TSGA13: variants seen among roughly 807,000 people sequenced by gnomAD.
The protein encoded by TSGA13 is testis specific 13.
In TSGA13, 37 loss-of-function variants were observed where a neutral mutation model predicts 35.1. That is an observed-to-expected ratio of 1.05 (90% CI 0.81 to 1.39). The LOEUF is 1.39. Among genes scored for constraint, TSGA13 ranks in the 40% most tolerant of loss-of-function variants. The pLI, the probability that TSGA13 is intolerant of heterozygous loss-of-function variation, is 0.00. For missense variants in TSGA13, 338 were observed against 328.5 expected (o/e 1.03, Z -0.22); for synonymous variants, 124 against 121.2 (o/e 1.02, Z -0.15).
At chr7:130,676,569 C>G (rs1796415230) in intron 5 of TSGA13, among the ~76,000 whole-genome samples, 1 of 152,226 alleles carries the variant, frequency 6.6e-6, no homozygotes, top group Admixed American at 6.5e-5. Flanking sequence ...AGTGAGCTTA[C>G]CTTCAAAGGG....
At position 130,668,851 on chromosome 7, in the gene TSGA13, C is replaced by T. The variant is rs1464701091; in HGVS notation, c.*163G>A. 22 of 1,334,720 alleles carry T rather than the reference C, an allele frequency of 1.6e-5. 1 individual carries two copies. The highest frequency in any genetic ancestry group is 3.0e-5 in the African/African-American group (2 of 65,896). 82.7% of individuals were successfully genotyped at this position (1,334,720 alleles called of 1,614,324 possible). Reference sequence around the variant, plus strand: ...CGGCCCCCGGGACGCAGCCACGCCCCCTTCTCCTCTTGCGGCCCGCCGGAG... The same window carrying T: ...CGGCCCCCGGGACGCAGCCACGCCCTCTTCTCCTCTTGCGGCCCGCCGGAG... On this transcript the variant is annotated 3_prime_UTR_variant, in exon 8 of 8. Coordinates refer to ENST00000356588, the MANE Select transcript of TSGA13 (RefSeq NM_052933.4).
intron 5 of TSGA13, among the ~76,000 whole-genome samples, chr7:130,675,400 A>T (rs1554464012): frequency 7.3e-6 from 1 of 136,976 alleles, no homozygotes; most frequent in African/African-American, 2.7e-5. Context: ...TGGGGTGGGG[A>T]GGGGATGGAA....
At chr7:130,679,559 G>A (rs1361292524) in intron 4 of TSGA13, among the ~76,000 whole-genome samples, 192 bp from the exon 5 acceptor site, 1 of 152,098 alleles carries the variant, frequency 6.6e-6, no homozygotes, top group Non-Finnish European at 1.5e-5. Flanking sequence ...GCCCAGGCTG[G>A]AGCCCAGTGG....
upstream of TSGA13, chr7:130,687,293 A>T (rs537532526): frequency 6.6e-6 from 1 of 152,308 alleles, no homozygotes; most frequent in South Asian, 2.1e-4. Flanking sequence ...ATGTCATTGT[A>T]TAGTGTCTTG....
chr7:130,684,057 C>T (rs1796606550), intron 2 of TSGA13, among the ~76,000 whole-genome samples: 1 of 152,196 alleles, frequency 6.6e-6, no homozygotes, highest in Non-Finnish European at 1.5e-5. Flanking sequence ...TACTTACCTG[C>T]CTATTCTTCT....
At chr7:130,682,109 T>C (rs1796561129) in intron 3 of TSGA13, among the ~76,000 whole-genome samples, 1 of 151,494 alleles carries the variant, frequency 6.6e-6, no homozygotes, top group Non-Finnish European at 1.5e-5. Context: ...CCAGCTATTA[T>C]TATTATTTAT....
intron 2 of TSGA13, 27 bp downstream of exon 2, chr7:130,685,161 C>T (rs1563082202): frequency 6.2e-7 from 1 of 1,611,192 alleles, no homozygotes; most frequent in Admixed American, 1.7e-5. Flanking sequence ...GTGTTTATAA[C>T]TTAGTTGGGC....
Position 130,677,053 on chromosome 7 carries a change from C to T in TSGA13, c.387+2102G>A, listed in dbSNP as rs552969026. Among the ~76,000 whole-genome samples, 17 of 151,854 alleles carry T rather than the reference C, an allele frequency of 1.1e-4. 2 individuals are homozygous for T. The South Asian group carries it at 3.1e-3, about 28-fold the overall frequency. On this transcript the variant is annotated intron_variant, in intron 5 of 7. Transcript: ENST00000356588. ...GAGTACAGGCGCCCGCTACCACGCC[C>T]GGCTAATTTTTTGTATTTTTAGTAG...
chr7:130,679,229 G>C lies in TSGA13; in HGVS notation c.313C>G (p.Pro105Ala). ...TLLIMTNNPP[P>A]CSITQQDKES... Reference sequence around the variant, plus strand: ...TTGTCTTGCTGGGTGATTGAGCAGGGAGGTGGGTTGTTGGTCATAATCAGT... The same window carrying C: ...TTGTCTTGCTGGGTGATTGAGCAGGCAGGTGGGTTGTTGGTCATAATCAGT... Residue 105 changes from proline to alanine, a missense_variant, in exon 5 of 8, where the codon CCC becomes GCC. Transcript: ENST00000356588. 1 of 1,614,176 alleles carries C rather than the reference G, an allele frequency of 6.2e-7. No homozygotes were observed. The highest frequency in any genetic ancestry group is 8.5e-7 in the Non-Finnish European group (1 of 1,180,026).
chr7:130,682,799 C>A (rs1158558749), intron 3 of TSGA13, among the ~76,000 whole-genome samples: 3 of 152,148 alleles, frequency 2.0e-5, no homozygotes, highest in Non-Finnish European at 4.4e-5. Flanking sequence ...AGAAGCATAG[C>A]AAAGCCACTC....
At chr7:130,684,322 C>A (rs1796612889) in intron 2 of TSGA13, among the ~76,000 whole-genome samples, 1 of 152,214 alleles carries the variant, frequency 6.6e-6, no homozygotes, top group African/African-American at 2.4e-5. Flanking sequence ...AATACCAATT[C>A]TCTTTGCAGA....
At chr7:130,686,567 T>C (rs1796663577), upstream of TSGA13, 1 of 152,022 alleles carries the variant, frequency 6.6e-6, no homozygotes. Flanking sequence ...AGGGAATTTG[T>C]GATGAATAGG....
In TSGA13 at chr7:130,668,871, C is replaced by T. The variant is rs2116285737; in HGVS notation, c.*143G>A. 1.4e-6 allele frequency: 2 copies of T among 1,387,074 alleles called. No homozygotes were observed. The highest frequency in any genetic ancestry group is 1.4e-5 in the South Asian group (1 of 70,470). 85.9% of individuals were successfully genotyped at this position (1,387,074 alleles called of 1,614,324 possible). A position where few individuals can be genotyped will look rare whatever the true frequency, so the allele number is the denominator to read the frequency against. On this transcript the variant is annotated 3_prime_UTR_variant, in exon 8 of 8. Transcript: ENST00000356588. ...CGCCCCCTTCTCCTCTTGCGGCCCG[C>T]CGGAGACTTCGGCTCGACCCTCCCG...
intron 5 of TSGA13, among the ~76,000 whole-genome samples, chr7:130,673,663 T>C (rs1391359634): frequency 2.0e-5 from 3 of 152,218 alleles, no homozygotes; most frequent in Non-Finnish European, 4.4e-5. Context: ...TGACATGGCA[T>C]TGGGTTCCTT....
chr7:130,674,365 G>T (rs970866263), intron 5 of TSGA13, among the ~76,000 whole-genome samples: 5 of 151,698 alleles, frequency 3.3e-5, no homozygotes, highest in Non-Finnish European at 7.4e-5. Context: ...TAGAAACGGG[G>T]TTTCACCATG....
chr7:130,671,124 T>G (rs6968352), intron 7 of TSGA13, among the ~76,000 whole-genome samples: 1 of 152,012 alleles, frequency 6.6e-6, no homozygotes, highest in Non-Finnish European at 1.5e-5. Flanking sequence ...TCCCAGAGAC[T>G]TTTGTACCTC....
rs180807842 is a variant in TSGA13 at position 130,680,365 on chromosome 7, G to A, written c.174+581C>T. ...ACTAAATATACAAAAAATTAGCCAGGCGTAGTGGGGGGCGCCTATATTCCC... is the reference window on the plus strand; with the variant it reads ...ACTAAATATACAAAAAATTAGCCAGACGTAGTGGGGGGCGCCTATATTCCC... On this transcript the variant is annotated intron_variant, in intron 4 of 7. Coordinates refer to ENST00000356588, the MANE Select transcript of TSGA13 (RefSeq NM_052933.4). Among the ~76,000 whole-genome samples, 411 of 152,168 alleles carry A rather than the reference G, an allele frequency of 2.7e-3. 1 individual carries two copies. The highest frequency in any genetic ancestry group is 9.5e-3 in the African/African-American group (393 of 41,532).
Position 130,668,800 on chromosome 7 carries a change from C to T in TSGA13, c.*214G>A, listed in dbSNP as rs1796166227. 9 of 1,283,024 alleles carry T rather than the reference C, an allele frequency of 7.0e-6. No homozygotes were observed. Among genetic ancestry groups the T allele is most frequent in the Non-Finnish European group, 9.4e-6 (9 of 962,224 alleles). 79.5% of individuals were successfully genotyped at this position (1,283,024 alleles called of 1,614,324 possible). On this transcript the variant is annotated 3_prime_UTR_variant, in exon 8 of 8. Transcript: ENST00000356588. ...GGGCCGCCGCGCCTTCACTCGGGGC[C>T]AAGGCCCGCCCTCCCCGGCCGCCCT...
chr7:130,680,033 T>G (rs1796507714), intron 4 of TSGA13, among the ~76,000 whole-genome samples: 1 of 152,174 alleles, frequency 6.6e-6, no homozygotes, highest in Non-Finnish European at 1.5e-5. Context: ...TCTACAACTC[T>G]CTCTAAGGTA....
Sources: gnomAD v4.1 joint callset for allele counts (sites outside exome capture counted in the v4.1 genomes callset) on GRCh38, gnomAD v4.1.1 for gene constraint, MANE v1.5 for transcripts, NCBI Gene and HGNC (gene_info 2026-07-23, HGNC 2026-07-21) for gene names.